KLHL32: variants seen among roughly 807,000 people sequenced by gnomAD.
The protein encoded by KLHL32 is kelch-like protein 32.
In KLHL32, 35 loss-of-function variants were observed where a neutral mutation model predicts 64.8. That is an observed-to-expected ratio of 0.54 (90% CI 0.41 to 0.72). KLHL32 has a LOEUF of 0.72. Ranked by LOEUF, KLHL32 falls within the 30% of genes least tolerant of loss-of-function variation. The pLI, the probability that KLHL32 is intolerant of heterozygous loss-of-function variation, is 0.00. For missense variants in KLHL32, 589 were observed against 768.5 expected (o/e 0.77, Z 2.76); for synonymous variants, 259 against 281.0 (o/e 0.92, Z 0.78).
chr6:96,908,474 T>C, the KLHL32 span, among the ~76,000 whole-genome samples: 1 of 152,196 alleles, frequency 6.6e-6, no homozygotes, highest in Non-Finnish European at 1.5e-5. Flanking sequence ...TGCACACCCC[T>C]CTGCATTTAT....
intron 1 of KLHL32, among the ~76,000 whole-genome samples, chr6:96,954,295 T>C (rs907471695): frequency 2.7e-5 from 4 of 150,692 alleles, no homozygotes; most frequent in African/African-American, 7.3e-5. Flanking sequence ...AAAATTGTTT[T>C]AGTTTTCTTT....
intron 1 of KLHL32, among the ~76,000 whole-genome samples, chr6:96,947,537 G>A (rs1171568832): frequency 6.6e-6 from 1 of 152,124 alleles, no homozygotes; most frequent in East Asian, 1.9e-4. Flanking sequence ...TGTCTTACAA[G>A]CATCTTTACA....
chr6:97,132,290 G>A (rs1169826917), intron 9 of KLHL32, among the ~76,000 whole-genome samples: 1 of 152,166 alleles, frequency 6.6e-6, no homozygotes, highest in Non-Finnish European at 1.5e-5. Context: ...AGCATTTGCG[G>A]GTATAGAAGA....
At chr6:97,127,002 G>C (rs17550839) in intron 7 of KLHL32, among the ~76,000 whole-genome samples, 2,196 of 152,242 alleles carry the variant, frequency 0.014, 25 homozygotes, top group Middle Eastern at 0.027. Context: ...ACGGATGTTA[G>C]AGCTTTAAAA....
intron 4 of KLHL32, among the ~76,000 whole-genome samples, chr6:97,055,796 TAAAAAAAAAAAA>T (rs750242567): frequency 3.7e-5 from 3 of 81,032 alleles, no homozygotes; most frequent in Non-Finnish European, 5.5e-5. Context: ...AGAACCTGTC[TAAAAAAAAAAAA>T]AAAAAAAAAA....
chr6:96,925,755 T>C (rs1290430737), intron 1 of KLHL32, among the ~76,000 whole-genome samples: 1 of 152,238 alleles, frequency 6.6e-6, no homozygotes. Flanking sequence ...GACATACATC[T>C]TTGCTAGCAT....
intron 1 of KLHL32, among the ~76,000 whole-genome samples, chr6:96,963,144 C>T (rs1032985447): frequency 2.0e-5 from 3 of 152,112 alleles, no homozygotes; most frequent in Admixed American, 6.6e-5. Flanking sequence ...AATTTATTTC[C>T]ATGTTCATCA....
At chr6:97,134,375 T>C (rs1799766783) in intron 10 of KLHL32, among the ~76,000 whole-genome samples, 1 of 152,204 alleles carries the variant, frequency 6.6e-6, no homozygotes, top group African/African-American at 2.4e-5. Context: ...GACTAGAGCT[T>C]CGTCCTGTCT....
At chr6:96,982,960 G>A (rs989631327) in intron 3 of KLHL32, among the ~76,000 whole-genome samples, 4 of 152,208 alleles carry the variant, frequency 2.6e-5, no homozygotes, top group Non-Finnish European at 5.9e-5. Flanking sequence ...TCTTGTGCCA[G>A]TTTTCAAGGG....
Position 97,140,000 on chromosome 6 carries a change from G to A in KLHL32, c.*718G>A, listed in dbSNP as rs1582316985. The A allele has an allele frequency of 6.6e-6, 1 of 152,094 alleles. No individual in the cohort carries two copies. Among genetic ancestry groups the A allele is most frequent in the East Asian group, 1.9e-4 (1 of 5,164 alleles). The allele number at this position is 152,094 out of a possible 1,614,324, so 9.4% of individuals were successfully genotyped here. A position where few individuals can be genotyped will look rare whatever the true frequency, so the allele number is the denominator to read the frequency against. On this transcript the variant is annotated 3_prime_UTR_variant, in exon 11 of 11. Transcript: ENST00000369261. ...TTAGGCGAACACTTTGTAATACTTT[G>A]CCCAAGAAAAAGAAAAATGTTGTTA...
intron 3 of KLHL32, among the ~76,000 whole-genome samples, chr6:96,981,442 CTTTCT>C (rs1459791313): frequency 6.6e-6 from 1 of 151,780 alleles, no homozygotes; most frequent in African/African-American, 2.4e-5. Flanking sequence ...GATTTTCTGT[CTTTCT>C]TTTATTAGTC....
chr6:97,056,876 T>G (rs1788035536), intron 4 of KLHL32, among the ~76,000 whole-genome samples: 2 of 152,264 alleles, frequency 1.3e-5, no homozygotes, highest in East Asian at 1.9e-4. Context: ...CTGTCTCTAT[T>G]TTAAAAAGTA....
chr6:97,041,388 T>A (rs1263876442), intron 3 of KLHL32, 104 bp from the exon 4 acceptor site: 1 of 695,526 alleles, frequency 1.4e-6, no homozygotes, highest in African/African-American at 1.8e-5. Flanking sequence ...CAAAATCAAT[T>A]ATTAATTTGT....
At chr6:97,138,644 T>G (rs149525812) in intron 10 of KLHL32, among the ~76,000 whole-genome samples, 18 of 152,284 alleles carry the variant, frequency 1.2e-4, no homozygotes, top group African/African-American at 4.1e-4. Flanking sequence ...ATCGACTGAA[T>G]TTTGAATTTG....
At chr6:97,042,057 G>C (rs1785205625) in intron 4 of KLHL32, among the ~76,000 whole-genome samples, 1 of 152,156 alleles carries the variant, frequency 6.6e-6, no homozygotes, top group Non-Finnish European at 1.5e-5. Context: ...TTAGTAGATT[G>C]TGATGGTTTG....
rs370154434 is a variant in KLHL32 at position 97,106,152 on chromosome 6, A to G, written c.628-7631A>G. Among the ~76,000 whole-genome samples the G allele has an allele frequency of 7.2e-5, 11 of 152,328 alleles. 1 individual carries two copies. Among genetic ancestry groups the G allele is most frequent in the African/African-American group, 2.6e-4 (11 of 41,578 alleles). The stretch of plus-strand genomic sequence containing the variant: ...TGTCTGAGTGTGTTTCACATGAACA[A>G]TAAAGGAATTAGAATCACAATATGA... On this transcript the variant is annotated intron_variant, in intron 6 of 10. Transcript: ENST00000369261.
intron 5 of KLHL32, among the ~76,000 whole-genome samples, chr6:97,068,548 C>T (rs961318171): frequency 6.6e-6 from 1 of 152,222 alleles, no homozygotes; most frequent in Non-Finnish European, 1.5e-5. Context: ...ATTCACACCA[C>T]ACTGGGCAAT....
Position 97,130,742 on chromosome 6 carries a change from A to C in KLHL32, c.1414-15A>C. ...GTCTCCTACTAACAGAATACACTTA[A>C]ATTTCTTTTTTCAGAATAAGTGGAT... On this transcript the variant is annotated splice_polypyrimidine_tract_variant and intron_variant, in intron 8 of 10. Transcript: ENST00000369261. 2 of 1,596,168 alleles carry C rather than the reference A, an allele frequency of 1.3e-6. No individual in the cohort carries two copies. Among genetic ancestry groups the C allele is most frequent in the Non-Finnish European group, 1.7e-6 (2 of 1,170,918 alleles).
intron 3 of KLHL32, among the ~76,000 whole-genome samples, chr6:96,996,162 T>C (rs945239519): frequency 2.0e-5 from 3 of 152,232 alleles, no homozygotes; most frequent in Admixed American, 2.0e-4. Flanking sequence ...TAACATTTGC[T>C]ATCTCCAGCT....
Sources: allele counts gnomAD v4.1 joint callset (sites outside exome capture counted in the v4.1 genomes callset), GRCh38; gene constraint gnomAD v4.1.1; transcripts MANE v1.5; gene names NCBI Gene and HGNC (gene_info 2026-07-23, HGNC 2026-07-21).